The following PAPSS1 variants were observed in gnomAD, a reference collection of about 807,000 sequenced individuals.
PAPSS1 encodes the protein 3'-phosphoadenosine 5'-phosphosulfate synthase 1.
PAPSS1 carries 50 observed loss-of-function variants against 72.0 expected under a neutral mutation model. The observed-to-expected ratio is 0.69, with a 90% CI of 0.55 to 0.88. PAPSS1 has a LOEUF of 0.88. PAPSS1 is among the 40% of genes least tolerant of loss of function. PAPSS1 has a pLI of 0.00. For missense variants in PAPSS1, 657 were observed against 782.2 expected (o/e 0.84, Z 1.91); for synonymous variants, 261 against 263.6 (o/e 0.99, Z 0.09).
intron 1 of PAPSS1, among the ~76,000 whole-genome samples, chr4:107,718,881 T>C (rs1208379467): frequency 6.6e-6 from 1 of 152,218 alleles, no homozygotes; most frequent in African/African-American, 2.4e-5. Flanking sequence ...ATCTGTCTTC[T>C]TTGTTCATCA....
At chr4:107,683,422 C>T (rs112643072) in intron 4 of PAPSS1, among the ~76,000 whole-genome samples, 13 of 152,146 alleles carry the variant, frequency 8.5e-5, no homozygotes, top group Admixed American at 3.9e-4. Context: ...TTCTCAAATG[C>T]GGTGATATAC....
intron 10 of PAPSS1, among the ~76,000 whole-genome samples, chr4:107,636,597 T>C (rs553023608): frequency 1.3e-5 from 2 of 152,294 alleles, no homozygotes; most frequent in Admixed American, 6.5e-5. Context: ...AGGCAGGGCT[T>C]AACACTCCGG....
chr4:107,621,608 CTTTTTTTTTTTTTT>C (rs10670438), intron 11 of PAPSS1, among the ~76,000 whole-genome samples: 5 of 48,154 alleles, frequency 1.0e-4, no homozygotes, highest in South Asian at 9.5e-4. Flanking sequence ...GGTTTTTTAT[CTTTTTTTTTTTTTT>C]TTTTTTTTTT....
rs186013708 is a variant in PAPSS1, at chr4:107,658,230, C to T, written c.784-1223G>A. On this transcript the variant is annotated intron_variant, in intron 6 of 11. Coordinates refer to ENST00000265174, the MANE Select transcript of PAPSS1 (RefSeq NM_005443.5). ...TCACAAAAAAAGTGACCATAAAGTA[C>T]TGTATTCTAAAAAAAAAAGGTGTAT... 2.1e-5 allele frequency among the ~76,000 whole-genome samples: 3 copies of T among 140,660 alleles called. No homozygotes were observed. In the East Asian group the frequency reaches 6.4e-4, roughly 30 times the overall value. The allele number at this position is 140,660 out of a possible 152,430, so 92.3% of individuals were successfully genotyped here.
intron 9 of PAPSS1, among the ~76,000 whole-genome samples, chr4:107,647,704 C>T (rs1726730666): frequency 6.6e-6 from 1 of 152,144 alleles, no homozygotes; most frequent in South Asian, 2.1e-4. Flanking sequence ...CAGCTATAAT[C>T]AAACATATGA....
chr4:107,660,041 AC>A lies in PAPSS1; in HGVS notation c.700del (p.Val234Ter). On this transcript the variant is annotated frameshift_variant, in exon 6 of 12. Transcript: ENST00000265174. LOFTEE classifies it high-confidence loss of function. Reference protein sequence around the residue: ...DIVPVDASYEVKELYVPENKL... With the variant: ...DIVPVDASYEXKELYVPENKL... The stretch of plus-strand genomic sequence containing the variant: ...ATTTTCTGGCACATATAGTTCTTTT[AC>A]TTCATAAGATGCATCCACAGGTACA... The A allele has an allele frequency of 6.3e-7, 1 of 1,596,778 alleles. No individual in the cohort carries two copies. The highest frequency in any genetic ancestry group is 8.6e-7 in the Non-Finnish European group (1 of 1,167,688).
rs907826003 is a variant in PAPSS1 at position 107,642,270 on chromosome 4, G to A, written c.1506+2532C>T. On this transcript the variant is annotated intron_variant, in intron 10 of 11. Coordinates refer to ENST00000265174, the MANE Select transcript of PAPSS1 (RefSeq NM_005443.5). ...TACATATTTTTAAAAATATTTTAAC[G>A]TTATATAATATTAAAAATTATGTGA... 2.2e-4 allele frequency among the ~76,000 whole-genome samples: 33 copies of A among 151,880 alleles called. 1 individual carries two copies. The highest frequency in any genetic ancestry group is 5.8e-4 in the East Asian group (3 of 5,184).
Position 107,628,285 on chromosome 4 carries a change from T to C in PAPSS1, c.1736+3346A>G, listed in dbSNP as rs144776048. 2.9e-3 allele frequency among the ~76,000 whole-genome samples: 440 copies of C among 152,356 alleles called. 2 individuals are homozygous for C. Among genetic ancestry groups the C allele is most frequent in the African/African-American group, 9.8e-3 (407 of 41,582 alleles). ...ATCTCCCAATCTCCACTGGTAATAATAGTATTTCTTTCTCCAGACAACTTA... is the reference window on the plus strand; with the variant it reads ...ATCTCCCAATCTCCACTGGTAATAACAGTATTTCTTTCTCCAGACAACTTA... On this transcript the variant is annotated intron_variant, in intron 11 of 11. Transcript: ENST00000265174.
rs189408653 is a variant in PAPSS1, at chr4:107,713,885, G to A, written c.60+6235C>T. 2.0e-3 allele frequency among the ~76,000 whole-genome samples: 311 copies of A among 152,254 alleles called. 1 individual carries two copies. Among genetic ancestry groups the A allele is most frequent in the Admixed American group, 4.7e-3 (72 of 15,300 alleles). On this transcript the variant is annotated intron_variant, in intron 1 of 11. Coordinates refer to ENST00000265174, the MANE Select transcript of PAPSS1 (RefSeq NM_005443.5). ...CAATGGCTGCATTCATCCAAAGACA[G>A]ATACTGAATTTCTCTACATAATGTC...
chr4:107,716,868 C>T (rs1723652340), intron 1 of PAPSS1, among the ~76,000 whole-genome samples: 1 of 152,180 alleles, frequency 6.6e-6, no homozygotes, highest in South Asian at 2.1e-4. Flanking sequence ...TTGTCTCCCA[C>T]GAGTACACTT....
intron 6 of PAPSS1, among the ~76,000 whole-genome samples, chr4:107,659,329 T>C (rs780668276): frequency 5.3e-5 from 8 of 152,370 alleles, no homozygotes; most frequent in Non-Finnish European, 1.0e-4. Flanking sequence ...CTTGGGTATT[T>C]TGGATTTTTA....
At chr4:107,696,998 G>A (rs147323274) in intron 2 of PAPSS1, among the ~76,000 whole-genome samples, 19 of 152,284 alleles carry the variant, frequency 1.2e-4, no homozygotes, top group African/African-American at 4.1e-4. Context: ...ATAGTGACAC[G>A]ATGATGTGTG....
At position 107,653,605 on chromosome 4, in the gene PAPSS1, A is replaced by G; in HGVS notation, c.1123T>C (p.Trp375Arg). ...YIKMVMEQGD[W>R]LIGGDLQVLD... Reference sequence around the variant, plus strand: ...ACTTGAAGATCTCCTCCAATCAGCCAATCTCCTTGTTCCATCACCATCTAA... The same window carrying G: ...ACTTGAAGATCTCCTCCAATCAGCCGATCTCCTTGTTCCATCACCATCTAA... Residue 375 changes from tryptophan (W) to arginine (R), a missense_variant, in exon 9 of 12, where the codon TGG (tryptophan) becomes CGG (arginine). Trp to Arg is a moderately radical substitution (Grantham distance 101, BLOSUM62 -3). Around this residue, in one of 7 missense-constraint regions of PAPSS1, gnomAD observed 166 missense variants for 228.3 expected, o/e 0.73. Transcript: ENST00000265174. 1 of 1,613,436 alleles carries G rather than the reference A, an allele frequency of 6.2e-7. No homozygotes were observed. The highest frequency in any genetic ancestry group is 8.5e-7 in the Non-Finnish European group (1 of 1,179,666).
In PAPSS1 at chr4:107,720,196, G is replaced by C; in HGVS notation, c.-17C>G. The C allele has an allele frequency of 1.9e-6, 3 of 1,598,246 alleles. No individual in the cohort carries two copies. Among genetic ancestry groups the C allele is most frequent in the Non-Finnish European group, 2.6e-6 (3 of 1,173,852 alleles). On this transcript the variant is annotated 5_prime_UTR_variant, in exon 1 of 12. Coordinates refer to ENST00000265174, the MANE Select transcript of PAPSS1 (RefSeq NM_005443.5). ...GATCTCCATGACCGCGGAGCGCGCT[G>C]AGCAGCCGGGGTTCTCTGCGCCGGG...
rs1458596293 is a variant in PAPSS1 at position 107,702,658 on chromosome 4, T to C, written c.61-1373A>G. 2.0e-5 allele frequency among the ~76,000 whole-genome samples: 3 copies of C among 152,332 alleles called. No individual in the cohort carries two copies. The East Asian group carries it at 5.8e-4, about 29-fold the overall frequency. The stretch of plus-strand genomic sequence containing the variant: ...ATTTCACTTAACATTTTATCATCCA[T>C]GTGGTAACAAACAAAAGGATTTGTA... On this transcript the variant is annotated intron_variant, in intron 1 of 11. Coordinates refer to ENST00000265174, the MANE Select transcript of PAPSS1 (RefSeq NM_005443.5).
chr4:107,696,188 GA>G, intron 2 of PAPSS1, among the ~76,000 whole-genome samples: 1 of 152,116 alleles, frequency 6.6e-6, no homozygotes, highest in Non-Finnish European at 1.5e-5. Context: ...CCTAGTACCA[GA>G]AAATACCATT....
intron 9 of PAPSS1, among the ~76,000 whole-genome samples, chr4:107,647,338 C>G (rs1251322185): frequency 1.3e-5 from 2 of 152,236 alleles, no homozygotes; most frequent in Non-Finnish European, 2.9e-5. Context: ...GAATGGGCGT[C>G]TTCACCTATA....
chr4:107,652,171 A>T (rs1352643405), intron 9 of PAPSS1, among the ~76,000 whole-genome samples: 1 of 152,116 alleles, frequency 6.6e-6, no homozygotes, highest in Non-Finnish European at 1.5e-5. Flanking sequence ...TCTCAACCAC[A>T]TCCATCTGAT....
chr4:107,713,750 C>G (rs1221503664), intron 1 of PAPSS1, among the ~76,000 whole-genome samples: 1 of 133,160 alleles, frequency 7.5e-6, no homozygotes, highest in Non-Finnish European at 1.6e-5. Flanking sequence ...GAGCAAGACT[C>G]TGTCTCAAAC....
Sources: gnomAD v4.1 joint callset for allele counts (sites outside exome capture counted in the v4.1 genomes callset) on GRCh38, gnomAD v4.1.1 for gene constraint, gnomAD v4.1.1 regional missense constraint, MANE v1.5 for transcripts, NCBI Gene and HGNC (gene_info 2026-07-23, HGNC 2026-07-21) for gene names.